Variants in HSP90AB1 observed in about 807,000 individuals in gnomAD.
The protein encoded by HSP90AB1 is heat shock protein HSP 90-beta.
A neutral mutation model predicts 67.8 loss-of-function variants in HSP90AB1; 17 were observed. That is an observed-to-expected ratio of 0.25 (90% CI 0.17 to 0.38). The LOEUF is 0.38. HSP90AB1 is among the 10% of genes least tolerant of loss of function. The pLI, the probability that HSP90AB1 is intolerant of heterozygous loss-of-function variation, is 1.00. For synonymous variants in HSP90AB1, 390 were observed against 312.9 expected, an observed-to-expected ratio of 1.25 and a Z score of -2.60; for missense variants, 690 against 899.9, an observed-to-expected ratio of 0.77 and a Z score of 2.98.
In HSP90AB1 at chr6:44,249,607, A is replaced by T. The variant is rs934305530; in HGVS notation, c.354+24A>T. The T allele has an allele frequency of 1.6e-5, 25 of 1,612,054 alleles. No homozygotes were observed. In the African/African-American group the frequency reaches 2.4e-4, roughly 16 times the overall value. ...AGGTATTGCAGTTCTGTAGGCATTC[A>T]TACTTATCTGTGTTCTTTGGTTTTT... On this transcript the variant is annotated intron_variant, in intron 3 of 11. Coordinates refer to ENST00000371646, the MANE Select transcript of HSP90AB1 (RefSeq NM_007355.4).
intron 9 of HSP90AB1, 31 bp from the exon 10 acceptor site, chr6:44,251,968 T>G (rs1316291123): frequency 6.2e-7 from 1 of 1,613,716 alleles, no homozygotes; most frequent in Non-Finnish European, 8.5e-7. Flanking sequence ...TGAGGCATTT[T>G]AGTCACTGAG....
intron 1 of HSP90AB1, 30 bp from the exon 2 acceptor site, chr6:44,248,600 C>A (rs187398161): frequency 9.4e-6 from 15 of 1,595,924 alleles, no homozygotes; most frequent in Middle Eastern, 1.7e-4. Flanking sequence ...CCTTAGTGTT[C>A]TTTTGTAATT....
chr6:44,248,805 T>TG lies in HSP90AB1; in HGVS notation c.147+31dup, dbSNP rs755379517. The TG allele has an allele frequency of 4.6e-6, 7 of 1,524,574 alleles. No homozygotes were observed. The African/African-American group carries it at 1.4e-4, about 31-fold the overall frequency. The allele number at this position is 1,524,574 out of a possible 1,614,324, so 94.4% of individuals were successfully genotyped here. On this transcript the variant is annotated intron_variant, in intron 2 of 11. Transcript: ENST00000371646. ...GGTGCTCTGGTTTCCACATTTGGCA[T>TG]GGTTTTTTTTTTTGATACTCTAGAA...
At chr6:44,247,324 T>A (rs940444615) in intron 1 of HSP90AB1, 129 bp downstream of exon 1, 3 of 152,194 alleles carry the variant, frequency 2.0e-5, no homozygotes, top group Non-Finnish European at 4.4e-5. Flanking sequence ...CTCTGGATTT[T>A]TATAGGGTGA....
chr6:44,248,471 A>G (rs568102048), intron 1 of HSP90AB1, 159 bp from the exon 2 acceptor site: 231 of 558,548 alleles, frequency 4.1e-4, no homozygotes, highest in Middle Eastern at 4.8e-4. Flanking sequence ...GTAGTCTGAG[A>G]TCTTTAAGAG....
Position 44,248,601 on chromosome 6 carries a change from T to G in HSP90AB1, c.1-29T>G, listed in dbSNP as rs570066680. On this transcript the variant is annotated intron_variant, in intron 1 of 11. Transcript: ENST00000371646. Reference sequence around the variant, plus strand: ...TTTTAAACATGGGGCCTTAGTGTTCTTTTGTAATTAATGAGATTTTTATTT... The same window carrying G: ...TTTTAAACATGGGGCCTTAGTGTTCGTTTGTAATTAATGAGATTTTTATTT... 4 of 1,597,448 alleles carry G rather than the reference T, an allele frequency of 2.5e-6. No homozygotes were observed. The South Asian group carries it at 4.5e-5, about 18-fold the overall frequency.
At position 44,253,327 on chromosome 6, in the gene HSP90AB1, G is replaced by A. The variant is rs1040414126; in HGVS notation, c.2014G>A (p.Asp672Asn). 6.2e-7 allele frequency: 1 copy of A among 1,614,170 alleles called. No individual in the cohort carries two copies. Among genetic ancestry groups the A allele is most frequent in the Non-Finnish European group, 8.5e-7 (1 of 1,180,024 alleles). ...ALLSSGFSLE[D>N]PQTHSNRIYR... ...GCTATCTTCTGGCTTTTCCCTTGAG[G>A]ATCCCCAGACCCACTCCAACCGCAT... Residue 672 changes from aspartate to asparagine, a missense_variant, in exon 11 of 12, where the codon GAT becomes AAT. This residue lies in a region of HSP90AB1 where 120 missense variants were observed against 153.5 expected (regional missense o/e 0.78). Transcript: ENST00000371646.
At position 44,249,602 on chromosome 6, in the gene HSP90AB1, C is replaced by T; in HGVS notation, c.354+19C>T. The T allele has an allele frequency of 1.2e-6, 2 of 1,611,516 alleles. No individual in the cohort carries two copies. Among genetic ancestry groups the T allele is most frequent in the Middle Eastern group, 1.7e-4 (1 of 6,060 alleles). Reference sequence around the variant, plus strand: ...TCTTCAGGTATTGCAGTTCTGTAGGCATTCATACTTATCTGTGTTCTTTGG... The same window carrying T: ...TCTTCAGGTATTGCAGTTCTGTAGGTATTCATACTTATCTGTGTTCTTTGG... On this transcript the variant is annotated intron_variant, in intron 3 of 11. Transcript: ENST00000371646.
In HSP90AB1 at chr6:44,249,870, AG is replaced by A. The variant is rs761548990; in HGVS notation, c.514+38del. ...TTTTCTGTTACAAGGTAGTTGGGTT[AG>A]GATTTTCTGGGCTCACACCAGTAGC... On this transcript the variant is annotated intron_variant, in intron 4 of 11. Coordinates refer to ENST00000371646, the MANE Select transcript of HSP90AB1 (RefSeq NM_007355.4). 2.5e-6 allele frequency: 4 copies of A among 1,596,982 alleles called. No homozygotes were observed. In the East Asian group the frequency reaches 6.7e-5, roughly 27 times the overall value.
upstream of HSP90AB1, chr6:44,246,458 T>G (rs971583807): frequency 6.6e-6 from 1 of 152,248 alleles, no homozygotes; most frequent in Non-Finnish European, 1.5e-5. Flanking sequence ...TGGAAACTGC[T>G]GGAAATGCCG....
At position 44,251,110 on chromosome 6, in the gene HSP90AB1, C is replaced by T. The variant is rs148311257; in HGVS notation, c.1020C>T (p.Pro340=). 8 of 1,614,012 alleles carry T rather than the reference C, an allele frequency of 5.0e-6. No homozygotes were observed. In the East Asian group the frequency reaches 8.9e-5, roughly 18 times the overall value. The change falls in exon 7 of 12, where the codon CCC becomes CCT. Residue 340 remains proline (P), a synonymous_variant. Coordinates refer to ENST00000371646, the MANE Select transcript of HSP90AB1 (RefSeq NM_007355.4). The part of the protein sequence containing the change: ...RALLFIPRRA[P]FDLFENKKKK... ...TGCTATTTATTCCTCGTCGGGCTCC[C>T]TTTGACCTTTTTGAGAACAAGAAGA...
In HSP90AB1 at chr6:44,253,410, A is replaced by G. The variant is rs770855510; in HGVS notation, c.2065+32A>G. The G allele has an allele frequency of 1.8e-5, 22 of 1,219,142 alleles. No individual in the cohort carries two copies. The South Asian group carries it at 2.9e-4, about 16-fold the overall frequency. 75.5% of individuals were successfully genotyped at this position (1,219,142 alleles called of 1,614,324 possible). ...AGCTTTGGTACTTGGTGTGGCAAGG[A>G]GTTTGTGCAACTCGTCTCCTCTATG... is the stretch of plus-strand genomic sequence containing the variant. On this transcript the variant is annotated intron_variant, in intron 11 of 11. Transcript: ENST00000371646.
At chr6:44,251,635 C>T (rs768963364) in intron 8 of HSP90AB1, 27 bp downstream of exon 8, 28 of 1,588,390 alleles carry the variant, frequency 1.8e-5, no homozygotes, top group East Asian at 2.2e-5. Flanking sequence ...TGCTTATTCC[C>T]TTTACCACTT....
upstream of HSP90AB1, among the ~76,000 whole-genome samples, chr6:44,246,843 C>T (rs181317160): frequency 2.6e-5 from 4 of 152,306 alleles, no homozygotes; most frequent in Admixed American, 2.6e-4. Flanking sequence ...GCCAAATGAG[C>T]ACTCCTCATC....
intron 4 of HSP90AB1, 50 bp downstream of exon 4, chr6:44,249,884 T>C (rs1319709703): frequency 1.9e-6 from 3 of 1,593,376 alleles, no homozygotes; most frequent in Non-Finnish European, 1.7e-6. Context: ...TTTTCTGGGC[T>C]CACACCAGTA....
Position 44,251,230 on chromosome 6 carries a change from C to A in HSP90AB1, c.1123+17C>A, listed in dbSNP as rs958135607. ...AGTATCTCAGTGAGTATCTCCTTGG[C>A]CTAATTTAGTTGGGTGAAGTCTTGG... On this transcript the variant is annotated intron_variant, in intron 7 of 11. Transcript: ENST00000371646. The A allele has an allele frequency of 3.1e-6, 5 of 1,613,302 alleles. No homozygotes were observed. In the Admixed American group the frequency reaches 5.0e-5, roughly 16 times the overall value.
At position 44,247,155 on chromosome 6, in the gene HSP90AB1, C is replaced by T. The variant is rs921928583; in HGVS notation, c.-41C>T. 1 of 152,256 alleles carries T rather than the reference C, an allele frequency of 6.6e-6. No homozygotes were observed. Among genetic ancestry groups the T allele is most frequent in the Non-Finnish European group, 1.5e-5 (1 of 68,058 alleles). The allele number at this position is 152,256 out of a possible 1,614,324, so 9.4% of individuals were successfully genotyped here. On this transcript the variant is annotated 5_prime_UTR_variant, in exon 1 of 12. Coordinates refer to ENST00000371646, the MANE Select transcript of HSP90AB1 (RefSeq NM_007355.4). ...ACTGTCTGGGTATCGGAAAGCAAGCCTACGTTGCTCACTATTACGTATAAT... is the reference window on the plus strand; with the variant it reads ...ACTGTCTGGGTATCGGAAAGCAAGCTTACGTTGCTCACTATTACGTATAAT...
intron 10 of HSP90AB1, among the ~76,000 whole-genome samples, 158 bp downstream of exon 10, chr6:44,252,425 T>C (rs1454097448): frequency 6.6e-6 from 1 of 152,254 alleles, no homozygotes; most frequent in Non-Finnish European, 1.5e-5. Context: ...AAGGCTATTT[T>C]AATAAAATTT....
At chr6:44,253,018 A>T in intron 10 of HSP90AB1, 27 bp from the exon 11 acceptor site, 1 of 1,590,118 alleles carries the variant, frequency 6.3e-7, no homozygotes, top group Non-Finnish European at 8.6e-7. Flanking sequence ...GGTAATGTCA[A>T]TCTAAGGCTT....
Sources: allele counts gnomAD v4.1 joint callset (sites outside exome capture counted in the v4.1 genomes callset), GRCh38; gene constraint gnomAD v4.1.1; regional missense constraint gnomAD v4.1.1; transcripts MANE v1.5; gene names NCBI Gene and HGNC (gene_info 2026-07-23, HGNC 2026-07-21).